Variants in CDH18 observed in about 807,000 individuals in gnomAD.
CDH18 encodes the protein cadherin 18.
Under a neutral mutation model 67.9 loss-of-function variants are expected in CDH18, and 31 were observed. That is an observed-to-expected ratio of 0.46 (90% CI 0.34 to 0.62). The LOEUF (loss-of-function observed/expected upper bound fraction) is 0.62. Ranked by LOEUF, CDH18 falls within the 20% of genes least tolerant of loss-of-function variation. The pLI is 0.01. For missense variants in CDH18, 890 were observed against 975.5 expected, an observed-to-expected ratio of 0.91 and a Z score of 1.17; for synonymous variants, 362 against 347.2, an observed-to-expected ratio of 1.04 and a Z score of -0.48.
chr5:20,350,391 A>C (rs1196874821), intron 1 of CDH18, among the ~76,000 whole-genome samples: 1 of 152,164 alleles, frequency 6.6e-6, no homozygotes, highest in Non-Finnish European at 1.5e-5. Flanking sequence ...ATTTCTAACC[A>C]TATTGTAGCT....
chr5:19,588,469 T>G (rs1744566797), intron 7 of CDH18, among the ~76,000 whole-genome samples: 1 of 152,002 alleles, frequency 6.6e-6, no homozygotes, highest in African/African-American at 2.4e-5. Context: ...CACAGACCAG[T>G]GACTCTATGA....
chr5:19,786,265 C>A (rs564734948), intron 3 of CDH18, among the ~76,000 whole-genome samples: 1 of 152,206 alleles, frequency 6.6e-6, no homozygotes, highest in Non-Finnish European at 1.5e-5. Context: ...TAATGCCTCT[C>A]AATTTCTGGT....
chr5:19,488,971 T>C (rs1284296930), intron 11 of CDH18, among the ~76,000 whole-genome samples: 2 of 152,078 alleles, frequency 1.3e-5, no homozygotes, highest in Non-Finnish European at 2.9e-5. Flanking sequence ...AAACTACAAA[T>C]GCATGATCCA....
intron 2 of CDH18, among the ~76,000 whole-genome samples, chr5:19,884,406 C>A (rs1287312643): frequency 6.6e-6 from 1 of 151,946 alleles, no homozygotes; most frequent in Non-Finnish European, 1.5e-5. Flanking sequence ...TTAAATACTG[C>A]CTAACAGAGC....
At chr5:19,898,904 T>C (rs972749139) in intron 2 of CDH18, among the ~76,000 whole-genome samples, 7 of 152,138 alleles carry the variant, frequency 4.6e-5, no homozygotes, top group Admixed American at 4.6e-4. Flanking sequence ...GAAAATCATA[T>C]ATCTGTTAAG....
chr5:19,819,308 T>A (rs1779608310), intron 3 of CDH18, among the ~76,000 whole-genome samples: 1 of 152,152 alleles, frequency 6.6e-6, no homozygotes, highest in Non-Finnish European at 1.5e-5. Flanking sequence ...GAACTCTTAT[T>A]AAAAATTTAG....
intron 3 of CDH18, among the ~76,000 whole-genome samples, chr5:19,790,854 C>A (rs573240849): frequency 6.6e-6 from 1 of 152,048 alleles, no homozygotes; most frequent in Non-Finnish European, 1.5e-5. Flanking sequence ...AAGAACCAGA[C>A]AGACTTGAGA....
At chr5:19,877,945 C>T (rs1403167229) in intron 2 of CDH18, 1 of 151,962 alleles carries the variant, frequency 6.6e-6, no homozygotes, top group Non-Finnish European at 1.5e-5. Context: ...ATATTAGGTG[C>T]TCAGTAAAAC....
intron 1 of CDH18, among the ~76,000 whole-genome samples, chr5:20,255,777 G>T (rs184607431): frequency 6.6e-6 from 1 of 151,484 alleles, no homozygotes; most frequent in African/African-American, 2.4e-5. Flanking sequence ...CTTTGACCTT[G>T]GTATGTCACG....
chr5:20,096,887 T>C (rs1746033305), intron 2 of CDH18, among the ~76,000 whole-genome samples: 1 of 152,138 alleles, frequency 6.6e-6, no homozygotes, highest in South Asian at 2.1e-4. Context: ...ACATATCCAT[T>C]AGTTAAACAG....
At chr5:19,747,916 G>A (rs1301672353) in intron 3 of CDH18, among the ~76,000 whole-genome samples, 2 of 150,954 alleles carry the variant, frequency 1.3e-5, no homozygotes, top group Non-Finnish European at 3.0e-5. Context: ...AGACCATCCT[G>A]GCTAACACGG....
At position 19,987,253 on chromosome 5, in the gene CDH18, AACACAC is replaced by A. The variant is rs10654722; in HGVS notation, c.-376+827_-376+832del. Reference sequence around the variant, plus strand: ...TGCCTAGAGCCACATCTGTACAGACAACACACACACACACACACACACACACACACA... The same window carrying A: ...TGCCTAGAGCCACATCTGTACAGACAACACACACACACACACACACACACA... On this transcript the variant is annotated intron_variant, in intron 1 of 12. Coordinates refer to ENST00000382275, the MANE Select transcript of CDH18 (RefSeq NM_004934.5). Among the ~76,000 whole-genome samples the A allele has an allele frequency of 2.2e-3, 322 of 144,428 alleles. No homozygotes were observed. The South Asian group carries it at 0.023, about 10-fold the overall frequency. 94.8% of individuals were successfully genotyped at this position (144,428 alleles called of 152,430 possible).
chr5:20,536,467 G>A (rs901689900), intron 1 of CDH18, among the ~76,000 whole-genome samples: 35 of 152,236 alleles, frequency 2.3e-4, no homozygotes, highest in African/African-American at 7.2e-4. Flanking sequence ...TCAAATAATG[G>A]ATTTGCACAG....
intron 2 of CDH18, among the ~76,000 whole-genome samples, chr5:19,913,963 C>T (rs190028330): frequency 1.3e-4 from 20 of 152,012 alleles, no homozygotes; most frequent in Admixed American, 7.9e-4. Flanking sequence ...AGAAACAATG[C>T]GATTATTTTA....
chr5:19,697,058 A>C (rs906837388), intron 5 of CDH18, among the ~76,000 whole-genome samples: 1 of 152,222 alleles, frequency 6.6e-6, no homozygotes. Context: ...AATGAATCTT[A>C]TGAGTGAGTT....
At position 19,591,036 on chromosome 5, in the gene CDH18, CA is replaced by C. The variant is rs778123181; in HGVS notation, c.999+20del. The C allele has an allele frequency of 1.1e-5, 17 of 1,500,434 alleles. No individual in the cohort carries two copies. The highest frequency in any genetic ancestry group is 1.8e-4 in the Middle Eastern group (1 of 5,434). 92.9% of individuals were successfully genotyped at this position (1,500,434 alleles called of 1,614,324 possible). On this transcript the variant is annotated intron_variant, in intron 7 of 12. Coordinates refer to ENST00000382275, the MANE Select transcript of CDH18 (RefSeq NM_004934.5). ...AAAGATGAGTGAGTTGCCTGAATCA[CA>C]AAAAGTATGTTCTTTTTACCTTCTT...
chr5:20,310,056 C>CA (rs1179552880), intron 1 of CDH18, among the ~76,000 whole-genome samples: 1 of 151,776 alleles, frequency 6.6e-6, no homozygotes, highest in South Asian at 2.1e-4. Flanking sequence ...GTTCTGAAGC[C>CA]AAAAAAACCT....
At chr5:19,639,762 G>C (rs544810531) in intron 5 of CDH18, among the ~76,000 whole-genome samples, 10 of 152,230 alleles carry the variant, frequency 6.6e-5, no homozygotes, top group Non-Finnish European at 1.2e-4. Context: ...ACTGCAACAG[G>C]CATGCTGACA....
intron 2 of CDH18, among the ~76,000 whole-genome samples, chr5:19,902,780 C>T (rs1320201668): frequency 6.6e-6 from 1 of 152,202 alleles, no homozygotes; most frequent in African/African-American, 2.4e-5. Context: ...CTTGCCACTG[C>T]ATGTGTCATT....
Sources: gnomAD v4.1 joint callset for allele counts (sites outside exome capture counted in the v4.1 genomes callset) on GRCh38, gnomAD v4.1.1 for gene constraint, MANE v1.5 for transcripts, NCBI Gene and HGNC (gene_info 2026-07-23, HGNC 2026-07-21) for gene names.